CLNK: variants seen among roughly 807,000 people sequenced by gnomAD.
The protein encoded by CLNK is cytokine-dependent hematopoietic cell linker.
In CLNK, 74 loss-of-function variants were observed where a neutral mutation model predicts 68.6. That is an observed-to-expected ratio of 1.08 (90% CI 0.89 to 1.31). CLNK has a LOEUF of 1.31. Among genes scored for constraint, CLNK ranks in the 50% most tolerant of loss-of-function variants. CLNK has a pLI of 0.00. For synonymous variants in CLNK, 198 were observed against 172.2 expected (o/e 1.15, Z -1.17); for missense variants, 553 against 515.3 (o/e 1.07, Z -0.71).
chr4:10,652,789 C>T (rs1236319479), intron 2 of CLNK, among the ~76,000 whole-genome samples: 2 of 152,146 alleles, frequency 1.3e-5, no homozygotes, highest in African/African-American at 4.8e-5. Flanking sequence ...ATTTCTATAA[C>T]ACTGCATGCA....
chr4:10,655,334 CAGAGAGAG>C (rs148877353), intron 2 of CLNK, among the ~76,000 whole-genome samples: 52 of 135,410 alleles, frequency 3.8e-4, no homozygotes, highest in Middle Eastern at 3.8e-3. Flanking sequence ...CCCCCAAAGA[CAGAGAGAG>C]AGAGAGAGAG....
Position 10,542,052 on chromosome 4 carries a change from A to G in CLNK, c.472-11T>C, listed in dbSNP as rs762792242. 3.1e-6 allele frequency: 5 copies of G among 1,589,656 alleles called. No individual in the cohort carries two copies. The highest frequency in any genetic ancestry group is 2.3e-5 in the South Asian group (2 of 86,818). On this transcript the variant is annotated splice_polypyrimidine_tract_variant and intron_variant, in intron 9 of 18. Coordinates refer to ENST00000226951, the MANE Select transcript of CLNK (RefSeq NM_052964.4). ...AGGTGGTAAAGGAATCTGAAAAAGA[A>G]AAGAGAAACCTAAATTAAGTTTATT...
chr4:10,666,320 A>G (rs1477986489), intron 2 of CLNK, among the ~76,000 whole-genome samples: 1 of 152,232 alleles, frequency 6.6e-6, no homozygotes, highest in Non-Finnish European at 1.5e-5. Flanking sequence ...GTATGCCATC[A>G]GCACAAACCT....
At chr4:10,585,445 C>T (rs1320883050) in intron 3 of CLNK, among the ~76,000 whole-genome samples, 4 of 152,242 alleles carry the variant, frequency 2.6e-5, no homozygotes, top group Admixed American at 6.5e-5. Flanking sequence ...ATCAGGCAAA[C>T]GCCGAGCTGT....
At chr4:10,652,987 T>C (rs1300622022) in intron 2 of CLNK, among the ~76,000 whole-genome samples, 3 of 152,166 alleles carry the variant, frequency 2.0e-5, no homozygotes, top group African/African-American at 4.8e-5. Context: ...AAGGCACATA[T>C]ATACCATGGA....
At chr4:10,714,713 C>CGT in the CLNK span, among the ~76,000 whole-genome samples, 11 of 118,534 alleles carry the variant, frequency 9.3e-5, no homozygotes, top group Non-Finnish European at 2.1e-4. Flanking sequence ...TGTGTGTGTG[C>CGT]GTGTGAGTAG....
chr4:10,603,677 C>T (rs1244025177), intron 2 of CLNK, among the ~76,000 whole-genome samples: 1 of 152,204 alleles, frequency 6.6e-6, no homozygotes, highest in African/African-American at 2.4e-5. Context: ...CAGCGGCCCC[C>T]ACGGGGAATG....
chr4:10,660,905 C>G lies in CLNK; in HGVS notation c.11+6954G>C, dbSNP rs180833178. ...CAGCTTGCAGCTTTTTAATTACTAG[C>G]CAACCACGAAGCTGAATCCTACCTA... On this transcript the variant is annotated intron_variant, in intron 2 of 18. Coordinates refer to ENST00000226951, the MANE Select transcript of CLNK (RefSeq NM_052964.4). Among the ~76,000 whole-genome samples the G allele has an allele frequency of 1.7e-4, 26 of 152,308 alleles. No individual in the cohort carries two copies. The East Asian group carries it at 3.3e-3, about 19-fold the overall frequency.
At chr4:10,683,487 A>C (rs1725163477) in intron 1 of CLNK, among the ~76,000 whole-genome samples, 1 of 152,218 alleles carries the variant, frequency 6.6e-6, no homozygotes, top group African/African-American at 2.4e-5. Flanking sequence ...TCACCATTCC[A>C]ATCAGTCAGC....
intron 4 of CLNK, among the ~76,000 whole-genome samples, chr4:10,580,188 G>A (rs913301934): frequency 3.3e-5 from 5 of 152,238 alleles, no homozygotes; most frequent in African/African-American, 9.6e-5. Context: ...TGATGTTGTA[G>A]CCATTATAAC....
At chr4:10,593,781 A>G (rs1438508851) in intron 3 of CLNK, among the ~76,000 whole-genome samples, 1 of 152,170 alleles carries the variant, frequency 6.6e-6, no homozygotes, top group African/African-American at 2.4e-5. Context: ...GGATCTAACT[A>G]TTGCTGCAGG....
At chr4:10,695,178 C>A in the CLNK span, among the ~76,000 whole-genome samples, 7 of 152,222 alleles carry the variant, frequency 4.6e-5, no homozygotes, top group Admixed American at 4.6e-4. Context: ...AGAATACATT[C>A]TAAATGTTTC....
At chr4:10,689,745 A>ATTTTTTT (rs71651341), upstream of CLNK, among the ~76,000 whole-genome samples, 93 of 100,078 alleles carry the variant, frequency 9.3e-4, 15 homozygotes, top group Non-Finnish European at 1.3e-3. Context: ...AAACCCATGC[A>ATTTTTTT]TTTTTTTTTT....
At chr4:10,653,949 C>A (rs1249123257) in intron 2 of CLNK, among the ~76,000 whole-genome samples, 2 of 152,126 alleles carry the variant, frequency 1.3e-5, no homozygotes, top group African/African-American at 4.8e-5. Flanking sequence ...CTTTCTATAA[C>A]CATCAATGAT....
intron 8 of CLNK, among the ~76,000 whole-genome samples, chr4:10,549,877 C>T (rs759384207): frequency 6.6e-6 from 1 of 152,172 alleles, no homozygotes; most frequent in Admixed American, 6.5e-5. Context: ...CACCATTTGC[C>T]CAGAGACTCA....
At chr4:10,679,557 C>G (rs1448726461) in intron 1 of CLNK, among the ~76,000 whole-genome samples, 1 of 152,112 alleles carries the variant, frequency 6.6e-6, no homozygotes, top group Non-Finnish European at 1.5e-5. Context: ...GCAAAAGAAA[C>G]TACCATCAGA....
the CLNK span, among the ~76,000 whole-genome samples, chr4:10,722,907 A>G: frequency 0.78 from 118,678 of 152,040 alleles, 46,537 homozygotes; most frequent in Admixed American, 0.84. Flanking sequence ...AAAATTAGGC[A>G]GGTGTGGTGG....
chr4:10,624,150 G>A (rs2108863334), intron 2 of CLNK, among the ~76,000 whole-genome samples: 1 of 152,354 alleles, frequency 6.6e-6, no homozygotes, highest in Admixed American at 6.5e-5. Flanking sequence ...GAGCATGTGA[G>A]CTGGAGGAAT....
chr4:10,519,961 A>C (rs931953666), intron 15 of CLNK, among the ~76,000 whole-genome samples: 8 of 152,182 alleles, frequency 5.3e-5, no homozygotes, highest in African/African-American at 1.9e-4. Context: ...AGAGAGAGAT[A>C]GAATTAGGAG....
Sources: allele counts gnomAD v4.1 joint callset (sites outside exome capture counted in the v4.1 genomes callset), GRCh38; gene constraint gnomAD v4.1.1; transcripts MANE v1.5; gene names NCBI Gene and HGNC (gene_info 2026-07-23, HGNC 2026-07-21).